The following KCNAB1 variants were observed in gnomAD, a reference collection of about 807,000 sequenced individuals.
KCNAB1 encodes the protein potassium voltage-gated channel subfamily A regulatory beta subunit 1, also known as voltage-gated potassium channel subunit beta-1.
In KCNAB1, 35 loss-of-function variants were observed where a neutral mutation model predicts 64.6. The ratio of observed to expected loss-of-function variants is 0.54; its 90% confidence interval spans 0.41 to 0.72. KCNAB1 has a LOEUF of 0.72. Ranked by LOEUF, KCNAB1 falls within the 30% of genes least tolerant of loss-of-function variation. The pLI, the probability that KCNAB1 is intolerant of heterozygous loss-of-function variation, is 0.00. For synonymous variants in KCNAB1, 177 were observed against 183.8 expected, an observed-to-expected ratio of 0.96 and a Z score of 0.30; for missense variants, 401 against 512.9, an observed-to-expected ratio of 0.78 and a Z score of 2.11.
rs148023685 is a variant in KCNAB1 at position 156,464,384 on chromosome 3, T to C, written c.527+638T>C. Among the ~76,000 whole-genome samples the C allele has an allele frequency of 1.6e-4, 24 of 152,278 alleles. No homozygotes were observed. In the East Asian group the frequency reaches 4.6e-3, roughly 29 times the overall value. The stretch of plus-strand genomic sequence containing the variant: ...CATTATTCAGCAGGACTTAGAAGGC[T>C]GGCCTTTTTGACAAACATGTAAGAA... On this transcript the variant is annotated intron_variant, in intron 6 of 13. Transcript: ENST00000490337.
chr3:156,226,723 T>C (rs1716203863), intron 1 of KCNAB1, among the ~76,000 whole-genome samples: 1 of 95,944 alleles, frequency 1.0e-5, no homozygotes, highest in South Asian at 3.0e-4. Context: ...AAAGAAAAGC[T>C]CATCTGCAAA....
chr3:156,478,665 A>G (rs1311336993), intron 8 of KCNAB1, among the ~76,000 whole-genome samples: 2 of 152,196 alleles, frequency 1.3e-5, no homozygotes, highest in Non-Finnish European at 2.9e-5. Context: ...TAAAATGCCA[A>G]TTGTATTCAT....
chr3:156,225,354 T>A (rs952088686), intron 1 of KCNAB1, among the ~76,000 whole-genome samples: 9 of 152,154 alleles, frequency 5.9e-5, no homozygotes, highest in African/African-American at 1.7e-4. Context: ...AAAAAGCATT[T>A]GACAAAAATC....
intron 1 of KCNAB1, among the ~76,000 whole-genome samples, chr3:156,418,477 A>C (rs556850183): frequency 2.4e-4 from 37 of 152,368 alleles, no homozygotes; most frequent in Admixed American, 2.1e-3. Context: ...TCAGATCTTA[A>C]GTGGCTTAGA....
intron 1 of KCNAB1, among the ~76,000 whole-genome samples, chr3:156,129,239 G>A (rs371085449): frequency 6.6e-6 from 1 of 151,890 alleles, no homozygotes; most frequent in Admixed American, 6.6e-5. Context: ...TATGTTCCAG[G>A]TTATCTTTTT....
intron 1 of KCNAB1, among the ~76,000 whole-genome samples, chr3:156,209,593 A>G (rs1714889275): frequency 6.6e-6 from 1 of 152,222 alleles, no homozygotes; most frequent in Non-Finnish European, 1.5e-5. Flanking sequence ...GTTCATGTTG[A>G]TACAGATACT....
chr3:156,477,033 G>A (rs1714418414), intron 8 of KCNAB1, among the ~76,000 whole-genome samples: 1 of 152,138 alleles, frequency 6.6e-6, no homozygotes, highest in South Asian at 2.1e-4. Context: ...TATTGTAGGA[G>A]TCTCTCAAAC....
chr3:156,330,048 A>T (rs1458291999), intron 1 of KCNAB1, among the ~76,000 whole-genome samples: 1 of 152,198 alleles, frequency 6.6e-6, no homozygotes, highest in Non-Finnish European at 1.5e-5. Context: ...AAATAGAATT[A>T]AATTTTCTGA....
rs116140075 is a variant in KCNAB1, at chr3:156,410,733, T to C, written c.276-10883T>C. Among the ~76,000 whole-genome samples the C allele has an allele frequency of 6.8e-3, 1,030 of 152,300 alleles. 9 individuals are homozygous for C. The highest frequency in any genetic ancestry group is 0.024 in the African/African-American group (988 of 41,566). On this transcript the variant is annotated intron_variant, in intron 1 of 13. Transcript: ENST00000490337. ...ATGTAAGTGGAATCATACAATATTG[T>C]AGCCTTTTGAGTTTGGTGTCCTTCA...
At chr3:156,503,873 C>T (rs1319890809) in intron 8 of KCNAB1, among the ~76,000 whole-genome samples, 1 of 152,144 alleles carries the variant, frequency 6.6e-6, no homozygotes, top group Admixed American at 6.5e-5. Flanking sequence ...TTAACATATC[C>T]ATCACCTCAA....
At chr3:156,480,767 C>T (rs1714735634) in intron 8 of KCNAB1, among the ~76,000 whole-genome samples, 1 of 152,034 alleles carries the variant, frequency 6.6e-6, no homozygotes, top group Admixed American at 6.6e-5. Flanking sequence ...TTAGGATCAG[C>T]CACATTTCAA....
chr3:156,305,120 A>G (rs778927760), intron 1 of KCNAB1, among the ~76,000 whole-genome samples: 43 of 152,072 alleles, frequency 2.8e-4, no homozygotes, highest in Non-Finnish European at 4.0e-4. Context: ...CAAGAGTTTC[A>G]GGATTGTTTT....
At chr3:156,183,348 T>C (rs1712991074) in intron 1 of KCNAB1, among the ~76,000 whole-genome samples, 1 of 152,118 alleles carries the variant, frequency 6.6e-6, no homozygotes, top group Non-Finnish European at 1.5e-5. Flanking sequence ...AACAAAGTCA[T>C]TGAGGCCACG....
At chr3:156,170,804 G>A (rs1293636615) in intron 1 of KCNAB1, among the ~76,000 whole-genome samples, 2 of 152,178 alleles carry the variant, frequency 1.3e-5, no homozygotes, top group African/African-American at 2.4e-5. Flanking sequence ...GACCACAAGA[G>A]GAGTTTGTCA....
In KCNAB1 at chr3:156,209,213, A is replaced by G. The variant is rs557931093; in HGVS notation, c.275+88327A>G. Among the ~76,000 whole-genome samples the G allele has an allele frequency of 5.1e-3, 778 of 152,356 alleles. 2 individuals are homozygous for G. The highest frequency in any genetic ancestry group is 8.6e-3 in the Non-Finnish European group (587 of 68,032). On this transcript the variant is annotated intron_variant, in intron 1 of 13. Coordinates refer to ENST00000490337, the MANE Select transcript of KCNAB1 (RefSeq NM_172160.3). ...CTTGGTGGAAAGAGGGGCAAGAGCC[A>G]GGGAATGCTTCTGGAAGGGACGTGG...
At chr3:156,274,500 G>A in intron 1 of KCNAB1, among the ~76,000 whole-genome samples, 1 of 150,470 alleles carries the variant, frequency 6.6e-6, no homozygotes, top group Non-Finnish European at 1.5e-5. Flanking sequence ...TGGAGCATAA[G>A]GTAAGAACTT....
intron 1 of KCNAB1, among the ~76,000 whole-genome samples, chr3:156,285,397 A>T (rs370959574): frequency 3.9e-5 from 6 of 152,198 alleles, no homozygotes; most frequent in African/African-American, 1.2e-4. Flanking sequence ...TAAACTGACC[A>T]TGTGTCCCTG....
rs535274352 is a variant in KCNAB1, at chr3:156,389,034, G to T, written c.276-32582G>T. On this transcript the variant is annotated intron_variant, in intron 1 of 13. Coordinates refer to ENST00000490337, the MANE Select transcript of KCNAB1 (RefSeq NM_172160.3). ...ACCAGATGTTTCACTGAAGCCTCCA[G>T]TTCCACAGCCACATGTCTAGTAAGT... Among the ~76,000 whole-genome samples the T allele has an allele frequency of 2.0e-5, 3 of 152,320 alleles. No homozygotes were observed. The East Asian group carries it at 5.8e-4, about 29-fold the overall frequency.
chr3:156,377,267 A>C (rs6780634), intron 1 of KCNAB1, among the ~76,000 whole-genome samples: 1 of 152,078 alleles, frequency 6.6e-6, no homozygotes, highest in Non-Finnish European at 1.5e-5. Context: ...CCCCTTCCTG[A>C]CCAATGATTC....
Sources: gnomAD v4.1 joint callset for allele counts (sites outside exome capture counted in the v4.1 genomes callset) on GRCh38, gnomAD v4.1.1 for gene constraint, MANE v1.5 for transcripts, NCBI Gene and HGNC (gene_info 2026-07-23, HGNC 2026-07-21) for gene names.